Variants in NRXN3 observed in about 807,000 individuals in gnomAD.
NRXN3 encodes neurexin 3.
A neutral mutation model predicts 137.6 loss-of-function variants in NRXN3; 32 were observed. The ratio of observed to expected loss-of-function variants is 0.23; its 90% CI spans 0.18 to 0.31. The LOEUF (loss-of-function observed/expected upper bound fraction) is 0.31, where lower values mean the gene tolerates loss of function less well. Among genes scored for constraint, NRXN3 ranks in the 10% least tolerant of loss-of-function variants. The pLI, the probability that NRXN3 is intolerant of heterozygous loss-of-function variation, is 1.00. For missense variants in NRXN3, 1,574 were observed against 2,062.5 expected, an observed-to-expected ratio of 0.76 and a Z score of 4.59; for synonymous variants, 798 against 784.5, an observed-to-expected ratio of 1.02 and a Z score of -0.29.
chr14:79,660,866 A>G (rs1278330798), intron 16 of NRXN3, among the ~76,000 whole-genome samples: 1 of 152,080 alleles, frequency 6.6e-6, no homozygotes, highest in Non-Finnish European at 1.5e-5. Flanking sequence ...GTCTGCAGTC[A>G]TGGTTTCTTA....
chr14:78,178,573 C>T (rs1437250355), intron 1 of NRXN3, among the ~76,000 whole-genome samples: 1 of 152,146 alleles, frequency 6.6e-6, no homozygotes, highest in Non-Finnish European at 1.5e-5. Flanking sequence ...CGCCCTAAAC[C>T]TGCATGGGAC....
chr14:79,663,469 G>GA (rs965710209), intron 16 of NRXN3, among the ~76,000 whole-genome samples: 1 of 152,050 alleles, frequency 6.6e-6, no homozygotes, highest in African/African-American at 2.4e-5. Flanking sequence ...TCATCTCACA[G>GA]AAATAAACTT....
chr14:78,742,539 A>G (rs2098582606), intron 8 of NRXN3, among the ~76,000 whole-genome samples: 1 of 152,156 alleles, frequency 6.6e-6, no homozygotes, highest in Non-Finnish European at 1.5e-5. Flanking sequence ...AAATTTAAAG[A>G]GTGTTTCTAT....
chr14:78,670,571 A>G (rs780106733), intron 6 of NRXN3, among the ~76,000 whole-genome samples: 1 of 152,156 alleles, frequency 6.6e-6, no homozygotes, highest in Non-Finnish European at 1.5e-5. Context: ...ATAGCAGTTA[A>G]CTTTTATTGA....
chr14:79,551,747 C>A (rs1444011742), intron 16 of NRXN3, among the ~76,000 whole-genome samples: 3 of 152,290 alleles, frequency 2.0e-5, no homozygotes, highest in African/African-American at 7.2e-5. Flanking sequence ...ATAGTACACC[C>A]TGGGAAGTAC....
intron 10 of NRXN3, among the ~76,000 whole-genome samples, chr14:78,903,912 T>C (rs151139731): frequency 6.6e-6 from 1 of 152,212 alleles, no homozygotes; most frequent in East Asian, 1.9e-4. Flanking sequence ...GGAATGACCA[T>C]TGAGAGACAA....
At chr14:78,632,113 C>CAAA (rs58767974) in intron 4 of NRXN3, among the ~76,000 whole-genome samples, 2 of 75,016 alleles carry the variant, frequency 2.7e-5, no homozygotes, top group Non-Finnish European at 2.8e-5. Context: ...GACTCCGTCT[C>CAAA]AAAAAAAAAA....
intron 16 of NRXN3, among the ~76,000 whole-genome samples, chr14:79,622,326 A>C (rs978387165): frequency 9.2e-5 from 14 of 152,196 alleles, no homozygotes; most frequent in African/African-American, 3.4e-4. Flanking sequence ...TAAAACCTGA[A>C]GAATCTTTTA....
intron 16 of NRXN3, among the ~76,000 whole-genome samples, chr14:79,511,592 G>A (rs1220613154): frequency 6.6e-6 from 1 of 152,164 alleles, no homozygotes; most frequent in Admixed American, 6.5e-5. Context: ...ATTCCAAACA[G>A]TACCTCCCAT....
At chr14:79,736,137 G>T (rs2098941059) in intron 19 of NRXN3, among the ~76,000 whole-genome samples, 2 of 152,022 alleles carry the variant, frequency 1.3e-5, no homozygotes, top group Non-Finnish European at 2.9e-5. Flanking sequence ...TTGTTCCATT[G>T]ATCTGAGACC....
At chr14:79,700,784 G>A (rs963183632) in intron 19 of NRXN3, among the ~76,000 whole-genome samples, 1 of 152,006 alleles carries the variant, frequency 6.6e-6, no homozygotes. Flanking sequence ...ATTCCATTTT[G>A]TTACAGGTAA....
intron 10 of NRXN3, among the ~76,000 whole-genome samples, chr14:78,831,583 T>A (rs2098982562): frequency 6.7e-6 from 1 of 150,096 alleles, no homozygotes; most frequent in Admixed American, 6.7e-5. Flanking sequence ...CAATAGCACT[T>A]TCACTCATTT....
intron 4 of NRXN3, among the ~76,000 whole-genome samples, chr14:78,523,563 G>T (rs1376124871): frequency 6.7e-6 from 1 of 150,200 alleles, no homozygotes; most frequent in African/African-American, 2.5e-5. Flanking sequence ...ACTTTGGGAG[G>T]CCAAGGCGGG....
chr14:78,879,725 A>G (rs2099123129), intron 10 of NRXN3, among the ~76,000 whole-genome samples: 1 of 152,170 alleles, frequency 6.6e-6, no homozygotes, highest in African/African-American at 2.4e-5. Flanking sequence ...CTTGCACTAG[A>G]CACACTCATT....
rs5809961 is a variant in NRXN3, at chr14:79,821,668, CT to C, written c.4093+16495del. Among the ~76,000 whole-genome samples, 634 of 121,454 alleles carry C rather than the reference CT, an allele frequency of 5.2e-3. 9 individuals are homozygous for C. Among genetic ancestry groups the C allele is most frequent in the East Asian group, 0.047 (198 of 4,172 alleles). 79.7% of individuals were successfully genotyped at this position (121,454 alleles called of 152,430 possible). The stretch of plus-strand genomic sequence containing the variant: ...TTCCAAATTCCCCTAAAGCTAAGAC[CT>C]TTTTTTTTTTTTTTTTGCATGTCTT... On this transcript the variant is annotated intron_variant, in intron 20 of 20. Coordinates refer to ENST00000335750, the MANE Select transcript of NRXN3 (RefSeq NM_001330195.2).
intron 10 of NRXN3, among the ~76,000 whole-genome samples, chr14:78,883,993 C>T (rs76643195): frequency 1.8e-4 from 28 of 152,234 alleles, no homozygotes; most frequent in East Asian, 3.9e-4. Context: ...GTGATTCAGA[C>T]GAATAGTTCC....
chr14:79,611,152 A>G (rs571520490), intron 16 of NRXN3, among the ~76,000 whole-genome samples: 2 of 152,238 alleles, frequency 1.3e-5, no homozygotes, highest in Non-Finnish European at 2.9e-5. Context: ...TGAAGGAGCA[A>G]CAGACCAGTC....
chr14:78,346,647 C>G (rs1244844716), intron 4 of NRXN3, among the ~76,000 whole-genome samples: 1 of 152,188 alleles, frequency 6.6e-6, no homozygotes, highest in Non-Finnish European at 1.5e-5. Flanking sequence ...TAACACCCCA[C>G]CTTACCCAGG....
At chr14:79,788,269 G>A (rs192358983) in intron 19 of NRXN3, among the ~76,000 whole-genome samples, 15 of 152,242 alleles carry the variant, frequency 9.9e-5, no homozygotes, top group Admixed American at 3.3e-4. Context: ...CCCATGACAC[G>A]TGGGGATTAT....
Sources: gnomAD v4.1 joint callset for allele counts (sites outside exome capture counted in the v4.1 genomes callset) on GRCh38, gnomAD v4.1.1 for gene constraint, MANE v1.5 for transcripts, NCBI Gene and HGNC (gene_info 2026-07-23, HGNC 2026-07-21) for gene names.